SUSD3: variants seen among roughly 807,000 people sequenced by gnomAD.
SUSD3 encodes sushi domain containing 3.
A neutral mutation model predicts 20.6 loss-of-function variants in SUSD3; 18 were observed. The observed-to-expected ratio is 0.87, with a 90% CI of 0.60 to 1.30. SUSD3 has a LOEUF of 1.30. SUSD3 is among the 50% of genes most tolerant of loss of function. SUSD3 has a pLI of 0.00. For synonymous variants in SUSD3, 137 were observed against 141.5 expected, an observed-to-expected ratio of 0.97 and a Z score of 0.23; for missense variants, 306 against 346.9, an observed-to-expected ratio of 0.88 and a Z score of 0.94.
rs1181091704 is a variant in SUSD3 at position 93,084,960 on chromosome 9, C to CCGTAA, written c.*216_*220dup. ...AGTGTTCTGTTCCGGCATATCCTGG[C>CCGTAA]CGTAACGATTTTTATAGTTATGGAC... is the stretch of plus-strand genomic sequence containing the variant. On this transcript the variant is annotated 3_prime_UTR_variant, in exon 5 of 5. Coordinates refer to ENST00000375472, the MANE Select transcript of SUSD3 (RefSeq NM_145006.4). 1 of 436,206 alleles carries CCGTAA rather than the reference C, an allele frequency of 2.3e-6. No homozygotes were observed. The highest frequency in any genetic ancestry group is 3.6e-5 in the East Asian group (1 of 27,794). 27.0% of individuals were successfully genotyped at this position (436,206 alleles called of 1,614,324 possible). A position where few individuals can be genotyped will look rare whatever the true frequency, so the allele number is the denominator to read the frequency against.
At chr9:93,060,268 G>A (rs962638189) in intron 1 of SUSD3, among the ~76,000 whole-genome samples, 9 of 152,022 alleles carry the variant, frequency 5.9e-5, no homozygotes, top group African/African-American at 2.2e-4. Flanking sequence ...TGGAGTTTTG[G>A]GTTAGGATCC....
chr9:93,073,966 A>G (rs1347137095), intron 1 of SUSD3, among the ~76,000 whole-genome samples: 5 of 152,202 alleles, frequency 3.3e-5, no homozygotes, highest in Admixed American at 6.5e-5. Context: ...CAGTTTGCTC[A>G]TCTGTCGATG....
intron 2 of SUSD3, among the ~76,000 whole-genome samples, chr9:93,077,284 G>C (rs563360547): frequency 4.6e-4 from 70 of 152,142 alleles, no homozygotes; most frequent in African/African-American, 1.6e-3. Context: ...TTGCCACCTT[G>C]GGGCATTGTG....
At chr9:93,075,110 C>T (rs1011632463) in intron 1 of SUSD3, among the ~76,000 whole-genome samples, 2 of 152,178 alleles carry the variant, frequency 1.3e-5, no homozygotes, top group African/African-American at 4.8e-5. Flanking sequence ...CTTGAATCAA[C>T]ATTTCCTCAA....
intron 2 of SUSD3, among the ~76,000 whole-genome samples, chr9:93,076,525 C>T (rs567048924): frequency 2.6e-4 from 40 of 152,126 alleles, no homozygotes; most frequent in Non-Finnish European, 3.8e-4. Context: ...CTTTTCAGTG[C>T]CCAGCATGAC....
intron 1 of SUSD3, among the ~76,000 whole-genome samples, chr9:93,065,269 C>T (rs1385446512): frequency 6.6e-6 from 1 of 152,224 alleles, no homozygotes; most frequent in Non-Finnish European, 1.5e-5. Flanking sequence ...TGCCTGCTTT[C>T]TCACATCTGT....
Position 93,084,763 on chromosome 9 carries a change from G to A in SUSD3, c.*16G>A, listed in dbSNP as rs1474284173. The A allele has an allele frequency of 6.8e-7, 1 of 1,469,132 alleles. No individual in the cohort carries two copies. Among genetic ancestry groups the A allele is most frequent in the Non-Finnish European group, 9.0e-7 (1 of 1,110,370 alleles). The allele number at this position is 1,469,132 out of a possible 1,614,324, so 91.0% of individuals were successfully genotyped here. A position where few individuals can be genotyped will look rare whatever the true frequency, so the allele number is the denominator to read the frequency against. On this transcript the variant is annotated 3_prime_UTR_variant, in exon 5 of 5. Transcript: ENST00000375472. ...CCTAGGGTGACCACGCAGTGAGGCT[G>A]GTGCCCATGCTCCACACTGGGAGGC...
At chr9:93,068,793 A>C (rs1349370381) in intron 1 of SUSD3, among the ~76,000 whole-genome samples, 1 of 152,210 alleles carries the variant, frequency 6.6e-6, no homozygotes, top group Admixed American at 6.5e-5. Context: ...GATACAGTGA[A>C]TATAGTAGAT....
intron 2 of SUSD3, among the ~76,000 whole-genome samples, 187 bp from the exon 3 acceptor site, chr9:93,077,659 G>C (rs1826221241): frequency 6.6e-6 from 1 of 152,078 alleles, no homozygotes; most frequent in South Asian, 2.1e-4. Flanking sequence ...AATATAGTTT[G>C]CACAGATCTT....
At chr9:93,061,317 C>T (rs1256458479) in intron 1 of SUSD3, among the ~76,000 whole-genome samples, 5 of 152,214 alleles carry the variant, frequency 3.3e-5, no homozygotes, top group Non-Finnish European at 2.9e-5. Flanking sequence ...ACTGAGACCC[C>T]GTGAATGCAT....
At chr9:93,059,481 C>T (rs1169232503) in intron 1 of SUSD3, among the ~76,000 whole-genome samples, 1 of 152,176 alleles carries the variant, frequency 6.6e-6, no homozygotes, top group Non-Finnish European at 1.5e-5. Flanking sequence ...TTGTCTGCTC[C>T]CGTGCCCAAG....
intron 1 of SUSD3, among the ~76,000 whole-genome samples, chr9:93,064,529 C>A (rs572043320): frequency 1.3e-5 from 2 of 152,176 alleles, no homozygotes; most frequent in Non-Finnish European, 2.9e-5. Context: ...CAGAACCTGG[C>A]GGCTGAGAAC....
Position 93,058,824 on chromosome 9 carries a change from CG to C in SUSD3, c.83del (p.Arg28ProfsTer79). On this transcript the variant is annotated frameshift_variant, in exon 1 of 5. Transcript: ENST00000375472. LOFTEE classifies it high-confidence loss of function. Reference sequence around the variant, plus strand: ...GGTCACCACGCCTGCCCCAGGGAACCGCACAGGTGAGGGCTGGGGCCGAGTG... The same window carrying C: ...GGTCACCACGCCTGCCCCAGGGAACCCACAGGTGAGGGCTGGGGCCGAGTG... The part of the protein sequence containing the change: ...AGVTTPAPGN[R>X]TGTCAKLRLP... 1 of 1,261,300 alleles carries C rather than the reference CG, an allele frequency of 7.9e-7. No individual in the cohort carries two copies. The highest frequency in any genetic ancestry group is 1.0e-6 in the Non-Finnish European group (1 of 1,002,566). The allele number at this position is 1,261,300 out of a possible 1,614,324, so 78.1% of individuals were successfully genotyped here. A position where few individuals can be genotyped will look rare whatever the true frequency, so the allele number is the denominator to read the frequency against.
At chr9:93,076,408 C>T (rs1826170072) in intron 2 of SUSD3, among the ~76,000 whole-genome samples, 1 of 152,138 alleles carries the variant, frequency 6.6e-6, no homozygotes, top group African/African-American at 2.4e-5. Context: ...GTACTGGCAA[C>T]ACGGAAGGTC....
At chr9:93,063,102 T>G (rs1825572375) in intron 1 of SUSD3, among the ~76,000 whole-genome samples, 1 of 152,138 alleles carries the variant, frequency 6.6e-6, no homozygotes, top group Admixed American at 6.5e-5. Context: ...AGAAAGTGTT[T>G]CCTGGCCTCC....
In SUSD3 at chr9:93,081,639, C is replaced by G. The variant is rs897582237; in HGVS notation, c.557+2037C>G. On this transcript the variant is annotated intron_variant, in intron 4 of 4. Coordinates refer to ENST00000375472, the MANE Select transcript of SUSD3 (RefSeq NM_145006.4). ...CTCTGTGGCCCTGGGTTACACACAC[C>G]GTGCTGGGTCTGGCCAACACCTGCA... Among the ~76,000 whole-genome samples the G allele has an allele frequency of 2.0e-5, 3 of 152,152 alleles. No individual in the cohort carries two copies. The East Asian group carries it at 5.8e-4, about 29-fold the overall frequency.
At chr9:93,073,434 A>G (rs7019574) in intron 1 of SUSD3, among the ~76,000 whole-genome samples, 37,682 of 151,652 alleles carry the variant, frequency 0.25, 6,039 homozygotes, top group African/African-American at 0.46. Flanking sequence ...ATTTTTAGTA[A>G]AGACGGGGTT....
At chr9:93,072,733 A>G (rs1045337132) in intron 1 of SUSD3, among the ~76,000 whole-genome samples, 1 of 152,238 alleles carries the variant, frequency 6.6e-6, no homozygotes, top group African/African-American at 2.4e-5. Flanking sequence ...GATGGTATGC[A>G]GCCTACCGCA....
At chr9:93,080,318 C>CAAAAAAAAAA (rs56134136) in intron 4 of SUSD3, among the ~76,000 whole-genome samples, 2 of 56,744 alleles carry the variant, frequency 3.5e-5, no homozygotes. Flanking sequence ...GACTCCGTCT[C>CAAAAAAAAAA]AAAAAAAAAA....
Sources: allele counts gnomAD v4.1 joint callset (sites outside exome capture counted in the v4.1 genomes callset), GRCh38; gene constraint gnomAD v4.1.1; transcripts MANE v1.5; gene names NCBI Gene and HGNC (gene_info 2026-07-23, HGNC 2026-07-21).